TMEM43: variants seen among roughly 807,000 people sequenced by gnomAD.
TMEM43 encodes the protein transmembrane protein 43.
In TMEM43, 45 loss-of-function variants were observed where a neutral mutation model predicts 49.6. That is an observed-to-expected ratio of 0.91 (90% CI 0.71 to 1.16). TMEM43 has a LOEUF of 1.16. TMEM43 is among the 50% of genes most tolerant of loss of function. The pLI, the probability that TMEM43 is intolerant of heterozygous loss-of-function variation, is 0.00. For synonymous variants in TMEM43, 199 were observed against 207.8 expected, an observed-to-expected ratio of 0.96 and a Z score of 0.36; for missense variants, 532 against 516.6, an observed-to-expected ratio of 1.03 and a Z score of -0.29.
chr3:14,143,386 C>G lies in TMEM43; in HGVS notation c.*1591C>G, dbSNP rs1199797301. 7 of 152,184 alleles carry G rather than the reference C, an allele frequency of 4.6e-5. No individual in the cohort carries two copies. The highest frequency in any genetic ancestry group is 1.7e-4 in the African/African-American group (7 of 41,436). The allele number at this position is 152,184 out of a possible 1,614,324, so 9.4% of individuals were successfully genotyped here. A position where few individuals can be genotyped will look rare whatever the true frequency, so the allele number is the denominator to read the frequency against. On this transcript the variant is annotated 3_prime_UTR_variant, in exon 12 of 12. Coordinates refer to ENST00000306077, the MANE Select transcript of TMEM43 (RefSeq NM_024334.3). ...ACACAGCCAGCCCAAGATGACTTAT[C>G]TGGGTTTAGGATTCAATAGTATTCA... is the stretch of plus-strand genomic sequence containing the variant.
Position 14,133,725 on chromosome 3 carries a change from C to CCT in TMEM43, c.513-8_513-7dup. 1 of 1,614,034 alleles carries CCT rather than the reference C, an allele frequency of 6.2e-7. No homozygotes were observed. The highest frequency in any genetic ancestry group is 8.5e-7 in the Non-Finnish European group (1 of 1,179,870). ...CACCGGTGCCCATCTCTGACAGCTTCCTCTCTCCCACAGTGCCATGGCAGT... is the reference window on the plus strand; with the variant it reads ...CACCGGTGCCCATCTCTGACAGCTTCCTCTCTCTCCCACAGTGCCATGGCAGT... On this transcript the variant is annotated splice_polypyrimidine_tract_variant and intron_variant, in intron 6 of 11. Coordinates refer to ENST00000306077, the MANE Select transcript of TMEM43 (RefSeq NM_024334.3).
chr3:14,136,861 A>G (rs1695177134), intron 10 of TMEM43, among the ~76,000 whole-genome samples: 1 of 149,032 alleles, frequency 6.7e-6, no homozygotes, highest in Admixed American at 6.8e-5. Flanking sequence ...AGATGTGCTG[A>G]TTAGTTCAGT....
intron 10 of TMEM43, among the ~76,000 whole-genome samples, chr3:14,137,616 T>C (rs1559362681): frequency 6.6e-6 from 1 of 152,200 alleles, no homozygotes; most frequent in Admixed American, 6.5e-5. Context: ...GATGCCCCGA[T>C]TCCAGTCCCA....
chr3:14,131,815 C>A, intron 4 of TMEM43, 141 bp downstream of exon 4: 1 of 721,186 alleles, frequency 1.4e-6, no homozygotes, highest in Non-Finnish European at 2.4e-6. Context: ...TGAAATGATC[C>A]CCAAATTAAT....
chr3:14,141,923 C>G lies in TMEM43; in HGVS notation c.*128C>G. On this transcript the variant is annotated 3_prime_UTR_variant, in exon 12 of 12. Coordinates refer to ENST00000306077, the MANE Select transcript of TMEM43 (RefSeq NM_024334.3). ...TGGACTCTGCACTCCCTCTCCTCTT[C>G]AGGGGCCAGACTTGGCAGCATGTGC... The G allele has an allele frequency of 1.1e-6, 1 of 880,038 alleles. No homozygotes were observed. Among genetic ancestry groups the G allele is most frequent in the South Asian group, 1.7e-5 (1 of 59,514 alleles). 54.5% of individuals were successfully genotyped at this position (880,038 alleles called of 1,614,324 possible). A position where few individuals can be genotyped will look rare whatever the true frequency, so the allele number is the denominator to read the frequency against.
chr3:14,129,687 C>A, intron 2 of TMEM43, 126 bp downstream of exon 2: 1 of 1,023,762 alleles, frequency 9.8e-7, no homozygotes, highest in Non-Finnish European at 1.5e-6. Flanking sequence ...AAGGAGGATA[C>A]TGAGTTAATC....
chr3:14,134,686 A>G, intron 7 of TMEM43, 84 bp from the exon 8 acceptor site: 2 of 1,581,868 alleles, frequency 1.3e-6, no homozygotes, highest in South Asian at 1.1e-5. Flanking sequence ...CCAGGGGTGC[A>G]GTGGAAGGGG....
chr3:14,135,700 G>A (rs1366758425), intron 9 of TMEM43, 107 bp from the exon 10 acceptor site: 2 of 867,078 alleles, frequency 2.3e-6, no homozygotes, highest in Non-Finnish European at 3.8e-6. Context: ...GGGTTTCTGT[G>A]CTCACTTCCC....
Position 14,134,002 on chromosome 3 carries a change from A to C in TMEM43, c.583+193A>C, listed in dbSNP as rs9822462. ...GGGCTGACGTAGAAACCCCCACCCC[A>C]CTCCATCCTACCAGGTTCCTCTGAA... On this transcript the variant is annotated intron_variant, in intron 7 of 11. Transcript: ENST00000306077. 2.8e-3 allele frequency among the ~76,000 whole-genome samples: 427 copies of C among 151,912 alleles called. 3 individuals are homozygous for C. Among genetic ancestry groups the C allele is most frequent in the African/African-American group, 9.8e-3 (407 of 41,414 alleles).
chr3:14,125,257 G>C (rs758354104), intron 1 of TMEM43, 52 bp downstream of exon 1: 1 of 1,576,248 alleles, frequency 6.3e-7, no homozygotes, highest in Non-Finnish European at 8.6e-7. Flanking sequence ...CGTCGCCCTG[G>C]GGCTTTTCCC....
In TMEM43 at chr3:14,131,181, T is replaced by G. The variant is rs555619865; in HGVS notation, c.297+225T>G. Among the ~76,000 whole-genome samples the G allele has an allele frequency of 2.0e-5, 3 of 152,294 alleles. No individual in the cohort carries two copies. In the East Asian group the frequency reaches 5.8e-4, roughly 29 times the overall value. On this transcript the variant is annotated intron_variant, in intron 3 of 11. Transcript: ENST00000306077. ...CAAGCTTGTGGCCAGCCTTGAGGAT[T>G]TGGTGAGATTAGGTAACTAACGCCT...
chr3:14,130,056 CCTTT>C (rs929811279), intron 2 of TMEM43, among the ~76,000 whole-genome samples: 3 of 135,390 alleles, frequency 2.2e-5, no homozygotes, highest in Non-Finnish European at 4.7e-5. Flanking sequence ...TTCCTTCCTT[CCTTT>C]GTCTCTCTCT....
At chr3:14,130,729 G>A (rs539638502) in intron 2 of TMEM43, 93 bp from the exon 3 acceptor site, 150 of 1,488,004 alleles carry the variant, frequency 1.0e-4, no homozygotes, top group Admixed American at 1.9e-4. Flanking sequence ...CAGCGCTCCC[G>A]GAGGCCCCAT....
In TMEM43 at chr3:14,132,198, GAGA is replaced by G. The variant is rs562398260; in HGVS notation, c.393-345_393-343del. On this transcript the variant is annotated intron_variant, in intron 4 of 11. Transcript: ENST00000306077. ...GGTGGGGAGGTGGTGGGAGGAGCAGGAGAAGGGCAGCTTCAAGAGGCCCCCCGC... is the reference window on the plus strand; with the variant it reads ...GGTGGGGAGGTGGTGGGAGGAGCAGGAGGGCAGCTTCAAGAGGCCCCCCGC... Among the ~76,000 whole-genome samples the G allele has an allele frequency of 1.8e-4, 27 of 152,318 alleles. No homozygotes were observed. In the South Asian group the frequency reaches 5.2e-3, roughly 29 times the overall value.
intron 8 of TMEM43, 34 bp from the exon 9 acceptor site, chr3:14,135,123 GT>G (rs1559361884): frequency 3.1e-6 from 5 of 1,597,326 alleles, no homozygotes. Flanking sequence ...CAGCTACTCC[GT>G]TCCTCACTCT....
chr3:14,141,252 G>A (rs1574941928), intron 11 of TMEM43, among the ~76,000 whole-genome samples: 2 of 152,146 alleles, frequency 1.3e-5, no homozygotes, highest in African/African-American at 4.8e-5. Context: ...GAGTGTGCAG[G>A]ACCCAGGTTA....
chr3:14,133,815 TC>T lies in TMEM43; in HGVS notation c.583+7del. 6.2e-7 allele frequency: 1 copy of T among 1,613,890 alleles called. No homozygotes were observed. ...CAGGTTTTTCCTCTCGTCAGGTAAG[TC>T]TCAGGCCTCTCCAGAGGAGCTCGTG... On this transcript the variant is annotated splice_region_variant and intron_variant, in intron 7 of 11. Transcript: ENST00000306077.
chr3:14,137,066 CAG>C (rs1189078268), intron 10 of TMEM43: 1 of 149,704 alleles, frequency 6.7e-6, no homozygotes, highest in Non-Finnish European at 1.5e-5. Flanking sequence ...AGACAGGCAT[CAG>C]GGGTTAGCTG....
At chr3:14,141,514 C>T (rs1261927307) in intron 11 of TMEM43, 79 bp from the exon 12 acceptor site, 9 of 1,366,130 alleles carry the variant, frequency 6.6e-6, no homozygotes, top group South Asian at 1.2e-5. Context: ...GGCCCATCCT[C>T]ATCTAGGGAC....
Sources: allele counts gnomAD v4.1 joint callset (sites outside exome capture counted in the v4.1 genomes callset), GRCh38; gene constraint gnomAD v4.1.1; transcripts MANE v1.5; gene names NCBI Gene and HGNC (gene_info 2026-07-23, HGNC 2026-07-21).